The following RBFOX1 variants were observed in gnomAD, a reference collection of about 807,000 sequenced individuals.
RBFOX1 encodes the protein RNA binding protein fox-1 homolog 1.
A neutral mutation model predicts 57.7 loss-of-function variants in RBFOX1; 8 were observed. The ratio of observed to expected loss-of-function variants is 0.14; its 90% CI spans 0.08 to 0.25. RBFOX1 has a LOEUF of 0.25. Ranked by LOEUF, RBFOX1 falls within the 10% of genes least tolerant of loss-of-function variation. RBFOX1 has a pLI of 1.00. For synonymous variants in RBFOX1, 326 were observed against 222.4 expected, an observed-to-expected ratio of 1.47 and a Z score of -4.15; for missense variants, 611 against 548.5, an observed-to-expected ratio of 1.11 and a Z score of -1.14.
intron 10 of RBFOX1, among the ~76,000 whole-genome samples, chr16:7,617,963 A>T (rs4787049): frequency 6.6e-6 from 1 of 151,768 alleles, no homozygotes; most frequent in East Asian, 2.0e-4. Flanking sequence ...GTAGGGTCCC[A>T]AGCTGTTTCT....
chr16:6,698,753 T>C (rs2061414960), intron 3 of RBFOX1, among the ~76,000 whole-genome samples: 1 of 152,188 alleles, frequency 6.6e-6, no homozygotes. Flanking sequence ...TGTTCTGCCC[T>C]GTTTTCCTCC....
chr16:7,403,304 C>A (rs969880464), intron 4 of RBFOX1, among the ~76,000 whole-genome samples: 1 of 152,044 alleles, frequency 6.6e-6, no homozygotes, highest in Non-Finnish European at 1.5e-5. Flanking sequence ...ATTGTAGTCA[C>A]CGTGCTATAC....
chr16:7,592,820 G>C (rs987144403), intron 7 of RBFOX1, among the ~76,000 whole-genome samples: 1 of 152,046 alleles, frequency 6.6e-6, no homozygotes, highest in Non-Finnish European at 1.5e-5. Flanking sequence ...TTATTACAAA[G>C]GATGAAAACC....
chr16:7,092,886 G>A (rs1347404676), intron 4 of RBFOX1, among the ~76,000 whole-genome samples: 3 of 152,058 alleles, frequency 2.0e-5, no homozygotes, highest in Admixed American at 6.6e-5. Flanking sequence ...TCTTCTTTCC[G>A]CCTTGGTGCA....
intron 3 of RBFOX1, among the ~76,000 whole-genome samples, chr16:6,766,347 A>C (rs1398678188): frequency 6.6e-6 from 1 of 151,890 alleles, no homozygotes; most frequent in African/African-American, 2.4e-5. Context: ...AAAAGACATA[A>C]CTTTTCCTAC....
At chr16:6,449,289 G>A (rs1371815114) in intron 2 of RBFOX1, among the ~76,000 whole-genome samples, 3 of 152,156 alleles carry the variant, frequency 2.0e-5, no homozygotes, top group Admixed American at 6.5e-5. Context: ...ATGCTTGCTC[G>A]TTTCTCATGT....
In RBFOX1 at chr16:6,572,824, C is replaced by T. The variant is rs779866875; in HGVS notation, c.-63-81779C>T. On this transcript the variant is annotated intron_variant, in intron 2 of 15. Transcript: ENST00000550418. ...GGCCACGCTGGCCTCGAACTCCTGA[C>T]CTCAAGTGATCCACCCACCTTCGCC... Among the ~76,000 whole-genome samples, 17 of 152,216 alleles carry T rather than the reference C, an allele frequency of 1.1e-4. No individual in the cohort carries two copies. The South Asian group carries it at 1.2e-3, about 11-fold the overall frequency.
At chr16:7,058,056 C>G (rs192827464) in intron 4 of RBFOX1, among the ~76,000 whole-genome samples, 1 of 150,414 alleles carries the variant, frequency 6.6e-6, no homozygotes, top group Admixed American at 6.6e-5. Context: ...CTCTGCTATG[C>G]TTTCAAAATG....
At chr16:6,489,889 A>C (rs940839652) in intron 2 of RBFOX1, among the ~76,000 whole-genome samples, 2 of 151,948 alleles carry the variant, frequency 1.3e-5, no homozygotes, top group African/African-American at 4.8e-5. Flanking sequence ...AGTGATCTCC[A>C]TTTTATCCCC....
rs914567200 is a variant in RBFOX1, at chr16:7,711,853, G to T, written c.*1108G>T. 1.3e-5 allele frequency: 2 copies of T among 152,524 alleles called. No homozygotes were observed. Among genetic ancestry groups the T allele is most frequent in the African/African-American group, 4.8e-5 (2 of 41,402 alleles). 9.4% of individuals were successfully genotyped at this position (152,524 alleles called of 1,614,324 possible). On this transcript the variant is annotated 3_prime_UTR_variant, in exon 16 of 16. Coordinates refer to ENST00000550418, the MANE Select transcript of RBFOX1 (RefSeq NM_018723.4). ...CAATCATTGAGTAGAGATAATCATGGTATTTTCATCAGCTTGGTACTTTTT... is the reference window on the plus strand; with the variant it reads ...CAATCATTGAGTAGAGATAATCATGTTATTTTCATCAGCTTGGTACTTTTT...
chr16:6,063,440 C>T (rs1027583754), intron 1 of RBFOX1, among the ~76,000 whole-genome samples: 2 of 150,314 alleles, frequency 1.3e-5, no homozygotes, highest in African/African-American at 4.9e-5. Flanking sequence ...CATTATCCAT[C>T]ATTAGCGTCT....
chr16:7,305,742 T>C (rs2096166398), intron 4 of RBFOX1, among the ~76,000 whole-genome samples: 1 of 152,252 alleles, frequency 6.6e-6, no homozygotes, highest in Non-Finnish European at 1.5e-5. Flanking sequence ...AGGTGTATTT[T>C]CTGTTGCATG....
chr16:6,395,565 G>C (rs193261321), intron 2 of RBFOX1, among the ~76,000 whole-genome samples: 2 of 137,200 alleles, frequency 1.5e-5, no homozygotes, highest in African/African-American at 5.8e-5. Flanking sequence ...AGCTTTTTGT[G>C]TGAAAAAACA....
intron 3 of RBFOX1, among the ~76,000 whole-genome samples, chr16:5,817,621 G>C (rs919557167): frequency 9.9e-5 from 15 of 152,036 alleles, no homozygotes; most frequent in Admixed American, 9.8e-4. Context: ...GAAAGGAGAG[G>C]GGAGAGAGAA....
chr16:6,556,192 C>T lies in RBFOX1; in HGVS notation c.-63-98411C>T, dbSNP rs183748343. ...TTAAACGTGGGCGGCATTGACTTCC[C>T]GCTGTAGGAATTGGGTGTTCTTTAT... On this transcript the variant is annotated intron_variant, in intron 2 of 15. Coordinates refer to ENST00000550418, the MANE Select transcript of RBFOX1 (RefSeq NM_018723.4). Among the ~76,000 whole-genome samples the T allele has an allele frequency of 1.4e-3, 217 of 152,224 alleles. 1 individual carries two copies. The highest frequency in any genetic ancestry group is 3.6e-3 in the African/African-American group (151 of 41,532).
At chr16:5,408,504 C>T (rs1032941249) in intron 1 of RBFOX1, among the ~76,000 whole-genome samples, 5 of 152,204 alleles carry the variant, frequency 3.3e-5, no homozygotes, top group Non-Finnish European at 5.9e-5. Context: ...ACCCAGCCCA[C>T]GTCTGGTTTC....
chr16:7,246,671 C>G (rs1475843410), intron 4 of RBFOX1, among the ~76,000 whole-genome samples: 4 of 121,742 alleles, frequency 3.3e-5, no homozygotes, highest in African/African-American at 1.3e-4. Flanking sequence ...AGTTTGAATG[C>G]AATTATTCCT....
chr16:6,809,574 C>T (rs538899212), intron 3 of RBFOX1, among the ~76,000 whole-genome samples: 1 of 152,206 alleles, frequency 6.6e-6, no homozygotes, highest in African/African-American at 2.4e-5. Context: ...TATATGAAGC[C>T]TTCAACCAAA....
chr16:5,705,342 A>C (rs1272843678), intron 3 of RBFOX1, among the ~76,000 whole-genome samples: 1 of 152,074 alleles, frequency 6.6e-6, no homozygotes, highest in Non-Finnish European at 1.5e-5. Flanking sequence ...GATCACTGCA[A>C]CCTCGAACTT....
Sources: gnomAD v4.1 joint callset for allele counts (sites outside exome capture counted in the v4.1 genomes callset) on GRCh38, gnomAD v4.1.1 for gene constraint, MANE v1.5 for transcripts, NCBI Gene and HGNC (gene_info 2026-07-23, HGNC 2026-07-21) for gene names.